KSR2: variants seen among roughly 807,000 people sequenced by gnomAD.
KSR2 encodes kinase suppressor of ras 2.
Under a neutral mutation model 107.8 loss-of-function variants are expected in KSR2, and 25 were observed. The ratio of observed to expected loss-of-function variants is 0.23; its 90% CI spans 0.17 to 0.32. The LOEUF is 0.32. Ranked by LOEUF, KSR2 falls within the 10% of genes least tolerant of loss-of-function variation. KSR2 has a pLI of 1.00. For synonymous variants in KSR2, 480 were observed against 507.0 expected (o/e 0.95, Z 0.71); for missense variants, 887 against 1,268.9 (o/e 0.70, Z 4.57).
intron 9 of KSR2, among the ~76,000 whole-genome samples, chr12:117,552,041 T>C (rs1013431842): frequency 6.6e-6 from 1 of 152,168 alleles, no homozygotes; most frequent in African/African-American, 2.4e-5. Context: ...TGCACAATTA[T>C]TATACTTCCC....
intron 16 of KSR2, among the ~76,000 whole-genome samples, chr12:117,481,145 A>C (rs1436035482): frequency 1.3e-5 from 2 of 152,170 alleles, no homozygotes; most frequent in Non-Finnish European, 2.9e-5. Flanking sequence ...CAGCCTTATG[A>C]GATAGGTGCT....
intron 5 of KSR2, among the ~76,000 whole-genome samples, chr12:117,637,080 C>T (rs1213838767): frequency 6.6e-6 from 1 of 151,820 alleles, no homozygotes; most frequent in Non-Finnish European, 1.5e-5. Flanking sequence ...TAGGGAAATG[C>T]AAACTGAAAT....
chr12:117,911,180 A>T (rs941756005), intron 1 of KSR2, among the ~76,000 whole-genome samples: 3 of 150,452 alleles, frequency 2.0e-5, no homozygotes, highest in African/African-American at 4.9e-5. Context: ...TCTCTCACAC[A>T]CACACACACA....
chr12:117,605,154 G>T (rs993578053), intron 5 of KSR2, among the ~76,000 whole-genome samples: 1 of 152,086 alleles, frequency 6.6e-6, no homozygotes, highest in African/African-American at 2.4e-5. Context: ...TGAGGAATGG[G>T]GTGTTCTAAG....
At position 117,484,535 on chromosome 12, in the gene KSR2, G is replaced by T. The variant is rs1442741610; in HGVS notation, c.2331C>A (p.Leu777=). The change falls in exon 16 of 20, where the codon CTC becomes CTA. Residue 777 remains leucine (L), a synonymous_variant. Transcript: ENST00000339824. ...CCTTGTGTAGGATTCCCTTGGCGTGGAGGTAGCCCATGCCCTGCAAGAAGC... is the reference window on the plus strand; with the variant it reads ...CCTTGTGTAGGATTCCCTTGGCGTGTAGGTAGCCCATGCCCTGCAAGAAGC... ...AQEIVKGMGY[L]HAKGILHKDL... The T allele has an allele frequency of 6.2e-7, 1 of 1,613,920 alleles. No individual in the cohort carries two copies. The highest frequency in any genetic ancestry group is 1.1e-5 in the South Asian group (1 of 91,054).
rs917815661 is a variant in KSR2, at chr12:117,960,868, C to T, written c.180+7208G>A. 2.7e-4 allele frequency among the ~76,000 whole-genome samples: 41 copies of T among 150,074 alleles called. 1 individual carries two copies. The highest frequency in any genetic ancestry group is 1.3e-4 in the Non-Finnish European group (9 of 67,768). On this transcript the variant is annotated intron_variant, in intron 1 of 19. Coordinates refer to ENST00000339824, the MANE Select transcript of KSR2 (RefSeq NM_173598.6). ...AGGCTGGAGTGCAGTGGTACAATCTCGGCTCACTGCAACCTCTGCCTTCCA... is the reference window on the plus strand; with the variant it reads ...AGGCTGGAGTGCAGTGGTACAATCTTGGCTCACTGCAACCTCTGCCTTCCA...
At chr12:117,668,046 G>T (rs968179051) in intron 4 of KSR2, among the ~76,000 whole-genome samples, 4 of 152,124 alleles carry the variant, frequency 2.6e-5, no homozygotes. Context: ...TTGGCCATTT[G>T]ACAAAAACAG....
intron 9 of KSR2, among the ~76,000 whole-genome samples, chr12:117,542,634 G>T (rs1360705118): frequency 6.6e-6 from 1 of 151,910 alleles, no homozygotes; most frequent in Non-Finnish European, 1.5e-5. Flanking sequence ...CTCCATATCT[G>T]TCCAGTATAA....
intron 5 of KSR2, 59 bp from the exon 6 acceptor site, chr12:117,582,418 G>T: frequency 7.5e-7 from 1 of 1,334,896 alleles, no homozygotes; most frequent in Non-Finnish European, 1.1e-6. Flanking sequence ...GTGGGCTCTG[G>T]CAAGGCCTGG....
chr12:117,517,026 C>T (rs562282665), intron 14 of KSR2, among the ~76,000 whole-genome samples: 1 of 152,274 alleles, frequency 6.6e-6, no homozygotes, highest in Admixed American at 6.5e-5. Flanking sequence ...GACCACCCCC[C>T]TCCATAGGAT....
chr12:117,935,651 C>G (rs1234456250), intron 1 of KSR2, among the ~76,000 whole-genome samples: 3 of 152,190 alleles, frequency 2.0e-5, no homozygotes, highest in African/African-American at 7.2e-5. Context: ...ATCCTAGCTA[C>G]TCAGGAGGCT....
chr12:117,849,702 AAGAG>A (rs950279413), intron 3 of KSR2, among the ~76,000 whole-genome samples: 1 of 152,184 alleles, frequency 6.6e-6, no homozygotes, highest in African/African-American at 2.4e-5. Flanking sequence ...CTGAGAAAGA[AAGAG>A]AGAGAGACAG....
At chr12:117,794,601 A>G (rs1890546232) in intron 3 of KSR2, among the ~76,000 whole-genome samples, 1 of 150,418 alleles carries the variant, frequency 6.6e-6, no homozygotes, top group South Asian at 2.1e-4. Context: ...GCACACTCAC[A>G]CCAACATGCA....
chr12:117,678,492 T>C lies in KSR2; in HGVS notation c.987-10834A>G, dbSNP rs140097143. Among the ~76,000 whole-genome samples, 58 of 152,258 alleles carry C rather than the reference T, an allele frequency of 3.8e-4. 1 individual carries two copies. The highest frequency in any genetic ancestry group is 1.4e-3 in the African/African-American group (57 of 41,544). On this transcript the variant is annotated intron_variant, in intron 4 of 19. Coordinates refer to ENST00000339824, the MANE Select transcript of KSR2 (RefSeq NM_173598.6). ...CCCAAGAGCTTGACCACAGGGAGATTTGGACTGAAGAATAGATTTCTTGCA... is the reference window on the plus strand; with the variant it reads ...CCCAAGAGCTTGACCACAGGGAGATCTGGACTGAAGAATAGATTTCTTGCA...
At chr12:117,491,845 C>T (rs1187055225) in intron 14 of KSR2, among the ~76,000 whole-genome samples, 1 of 152,344 alleles carries the variant, frequency 6.6e-6, no homozygotes, top group East Asian at 1.9e-4. Context: ...ACAACTTTCT[C>T]TGAGTCTCTG....
At chr12:117,827,909 G>A (rs897630313) in intron 3 of KSR2, among the ~76,000 whole-genome samples, 4 of 152,116 alleles carry the variant, frequency 2.6e-5, no homozygotes, top group African/African-American at 9.7e-5. Flanking sequence ...CAGAGTCTGC[G>A]CTCATCACTC....
Position 117,828,294 on chromosome 12 carries a change from T to C in KSR2, c.472+27134A>G, listed in dbSNP as rs189548833. ...ATAATCACTTGTTTCAACCTATGATTAGCAAAAACAGAAAGCCACAGTCAA... is the reference window on the plus strand; with the variant it reads ...ATAATCACTTGTTTCAACCTATGATCAGCAAAAACAGAAAGCCACAGTCAA... On this transcript the variant is annotated intron_variant, in intron 3 of 19. Coordinates refer to ENST00000339824, the MANE Select transcript of KSR2 (RefSeq NM_173598.6). 4.6e-5 allele frequency among the ~76,000 whole-genome samples: 7 copies of C among 152,288 alleles called. No homozygotes were observed. The East Asian group carries it at 1.4e-3, about 29-fold the overall frequency.
intron 4 of KSR2, among the ~76,000 whole-genome samples, chr12:117,741,066 C>T (rs1262229710): frequency 6.6e-6 from 1 of 152,196 alleles, no homozygotes; most frequent in Non-Finnish European, 1.5e-5. Context: ...TTAAAGGGTA[C>T]ATCCTAAGAA....
At chr12:117,728,343 CACTG>C (rs1887524417) in intron 4 of KSR2, among the ~76,000 whole-genome samples, 1 of 152,218 alleles carries the variant, frequency 6.6e-6, no homozygotes, top group South Asian at 2.1e-4. Context: ...AAGACCAACA[CACTG>C]ACAACTTCTG....
Sources: allele counts gnomAD v4.1 joint callset (sites outside exome capture counted in the v4.1 genomes callset), GRCh38; gene constraint gnomAD v4.1.1; transcripts MANE v1.5; gene names NCBI Gene and HGNC (gene_info 2026-07-23, HGNC 2026-07-21).